GLB1L3: variants seen among roughly 807,000 people sequenced by gnomAD.
GLB1L3 encodes galactosidase beta 1 like 3, also known as beta-galactosidase-1-like protein 3.
A neutral mutation model predicts 89.5 loss-of-function variants in GLB1L3; 89 were observed. The observed-to-expected ratio is 0.99, with a 90% confidence interval of 0.84 to 1.19. The LOEUF is 1.19. Ranked by LOEUF, GLB1L3 falls within the 50% of genes most tolerant of loss-of-function variation. The probability of loss-of-function intolerance (pLI) is 0.00; values close to 1 mark genes in which losing one functional copy is unlikely to be tolerated. For synonymous variants in GLB1L3, 314 were observed against 312.3 expected (o/e 1.01, Z -0.06); for missense variants, 812 against 813.3 (o/e 1.00, Z 0.02).
At chr11:134,286,609 T>C (rs574739994) in intron 6 of GLB1L3, among the ~76,000 whole-genome samples, 6 of 151,456 alleles carry the variant, frequency 4.0e-5, no homozygotes, top group African/African-American at 1.2e-4. Flanking sequence ...ACCCCGTCTC[T>C]ACTAAAAAAT....
rs1565395356 is a variant in GLB1L3 at position 134,288,831 on chromosome 11, G to T, written c.670G>T (p.Val224Leu). 3 of 1,613,596 alleles carry T rather than the reference G, an allele frequency of 1.9e-6. No individual in the cohort carries two copies. The highest frequency in any genetic ancestry group is 1.6e-4 in the Middle Eastern group (1 of 6,062). Residue 224 changes from valine (V) to leucine (L), a missense_variant, in exon 7 of 20, where the codon GTG (valine) becomes TTG (leucine). Val to Leu is a conservative substitution (Grantham distance 32, BLOSUM62 1). This residue lies in a region of GLB1L3 where 618 missense variants were observed against 604.0 expected (regional missense o/e 1.02). Coordinates refer to ENST00000431683, the MANE Select transcript of GLB1L3 (RefSeq NM_001080407.3). ...GGCAGGCCCTGTCATCGCGGTGCAA[G>T]TGGAGAATGAGTATGGCTCATTCAA... is the stretch of plus-strand genomic sequence containing the variant. ...RQAGPVIAVQ[V>L]ENEYGSFNKD...
intron 8 of GLB1L3, chr11:134,292,894 CT>C: frequency 3.5e-6 from 2 of 566,626 alleles, no homozygotes; most frequent in Non-Finnish European, 6.3e-6. Context: ...GTCAGGGAGC[CT>C]TGGCCTGGCT....
At chr11:134,292,851 AG>A (rs1446430627) in intron 8 of GLB1L3, 1 of 502,994 alleles carries the variant, frequency 2.0e-6, no homozygotes, top group Non-Finnish European at 3.6e-6. Context: ...GCTTGGGGCC[AG>A]GAAGCCTGTG....
At chr11:134,294,269 C>T (rs1450732284) in intron 9 of GLB1L3, among the ~76,000 whole-genome samples, 3 of 152,040 alleles carry the variant, frequency 2.0e-5, no homozygotes, top group Non-Finnish European at 2.9e-5. Flanking sequence ...GGTTTCACCA[C>T]GTTGGCCAGG....
At chr11:134,291,895 A>T (rs1591550060) in intron 7 of GLB1L3, among the ~76,000 whole-genome samples, 1 of 152,326 alleles carries the variant, frequency 6.6e-6, no homozygotes, top group African/African-American at 2.4e-5. Context: ...AGATGGCTTG[A>T]ATCCAGGAGT....
At position 134,281,925 on chromosome 11, in the gene GLB1L3, C is replaced by A. The variant is rs145657962; in HGVS notation, c.432-100C>A. On this transcript the variant is annotated intron_variant, in intron 4 of 19. Coordinates refer to ENST00000431683, the MANE Select transcript of GLB1L3 (RefSeq NM_001080407.3). ...TGGGGGTGGGGCCGAGCCGTCCCTT[C>A]GCCCCACCAGGCAGCTCCTCCACCC... 3 of 968,828 alleles carry A rather than the reference C, an allele frequency of 3.1e-6. No homozygotes were observed. In the Admixed American group the frequency reaches 8.0e-5, roughly 26 times the overall value. The allele number at this position is 968,828 out of a possible 1,614,324, so 60.0% of individuals were successfully genotyped here. A position where few individuals can be genotyped will look rare whatever the true frequency, so the allele number is the denominator to read the frequency against.
intron 9 of GLB1L3, among the ~76,000 whole-genome samples, chr11:134,294,482 TTTG>T (rs1225849568): frequency 2.0e-5 from 3 of 152,244 alleles, no homozygotes; most frequent in African/African-American, 7.2e-5. Context: ...CTTCTTCCTT[TTTG>T]TTCTTTTTTT....
At chr11:134,287,622 C>G (rs1198028208) in intron 6 of GLB1L3, among the ~76,000 whole-genome samples, 1 of 152,244 alleles carries the variant, frequency 6.6e-6, no homozygotes, top group Admixed American at 6.5e-5. Flanking sequence ...TCAACTCACT[C>G]GCTGAGAATA....
intron 15 of GLB1L3, 88 bp downstream of exon 15, chr11:134,312,975 C>T: frequency 1.1e-6 from 1 of 915,740 alleles, no homozygotes; most frequent in South Asian, 1.4e-5. Flanking sequence ...CTCCCTTCTC[C>T]ACCCCTGCTG....
At chr11:134,280,268 T>G (rs1940612081) in intron 3 of GLB1L3, among the ~76,000 whole-genome samples, 3 of 152,294 alleles carry the variant, frequency 2.0e-5, no homozygotes, top group Admixed American at 2.0e-4. Flanking sequence ...TATAGGTTTT[T>G]GGAATTTGTT....
rs1201661184 is a variant in GLB1L3 at position 134,312,336 on chromosome 11, T to C, written c.1288-13T>C. 6.2e-7 allele frequency: 1 copy of C among 1,612,838 alleles called. No individual in the cohort carries two copies. The highest frequency in any genetic ancestry group is 1.7e-5 in the Admixed American group (1 of 60,006). On this transcript the variant is annotated splice_polypyrimidine_tract_variant and intron_variant, in intron 13 of 19. Transcript: ENST00000431683. ...AGCCCTTGGACTTCTGCTCTTGCCATTTCTCCTCATAGCCAGTCAGGTCGC... is the reference window on the plus strand; with the variant it reads ...AGCCCTTGGACTTCTGCTCTTGCCACTTCTCCTCATAGCCAGTCAGGTCGC...
chr11:134,280,739 C>T (rs1197569510), intron 3 of GLB1L3, among the ~76,000 whole-genome samples: 1 of 151,860 alleles, frequency 6.6e-6, no homozygotes, highest in Non-Finnish European at 1.5e-5. Flanking sequence ...GATGTATTGT[C>T]AAAAATCTCT....
chr11:134,302,485 A>G (rs1343300205), intron 9 of GLB1L3, among the ~76,000 whole-genome samples: 1 of 152,218 alleles, frequency 6.6e-6, no homozygotes, highest in Admixed American at 6.5e-5. Flanking sequence ...TATTCATAAT[A>G]GGTTTGAAAT....
At chr11:134,324,754 C>T in the GLB1L3 span, among the ~76,000 whole-genome samples, 10 of 152,068 alleles carry the variant, frequency 6.6e-5, no homozygotes, top group African/African-American at 2.2e-4. Flanking sequence ...TAAATAATAA[C>T]AATAAATTTG....
chr11:134,300,785 T>C (rs1229337303), intron 9 of GLB1L3, among the ~76,000 whole-genome samples: 1 of 152,206 alleles, frequency 6.6e-6, no homozygotes. Context: ...CCTCTTCTTA[T>C]GAGGACCCCG....
intron 9 of GLB1L3, among the ~76,000 whole-genome samples, chr11:134,303,543 GT>G (rs1327703259): frequency 1.3e-5 from 2 of 152,090 alleles, no homozygotes; most frequent in Non-Finnish European, 2.9e-5. Flanking sequence ...AAATTTTAAT[GT>G]AAGTACTGAG....
At chr11:134,320,088 A>G (rs1332962904), downstream of GLB1L3, among the ~76,000 whole-genome samples, 3 of 152,226 alleles carry the variant, frequency 2.0e-5, no homozygotes, top group Admixed American at 2.0e-4. Context: ...CACCATTGGG[A>G]ACCAAGCACT....
chr11:134,317,422 A>G (rs1367194153), intron 18 of GLB1L3, among the ~76,000 whole-genome samples: 1 of 152,106 alleles, frequency 6.6e-6, no homozygotes, highest in Non-Finnish European at 1.5e-5. Context: ...GAATTCAAAT[A>G]TTTTCCAACT....
At chr11:134,313,849 C>T in intron 16 of GLB1L3, 92 bp from the exon 17 acceptor site, 1 of 803,902 alleles carries the variant, frequency 1.2e-6, no homozygotes, top group Non-Finnish European at 2.1e-6. Flanking sequence ...TGTCCTAAGG[C>T]ATGTACAAGT....
Sources: gnomAD v4.1 joint callset for allele counts (sites outside exome capture counted in the v4.1 genomes callset) on GRCh38, gnomAD v4.1.1 for gene constraint, gnomAD v4.1.1 regional missense constraint, MANE v1.5 for transcripts, NCBI Gene and HGNC (gene_info 2026-07-23, HGNC 2026-07-21) for gene names.